CPS1: variants seen among roughly 807,000 people sequenced by gnomAD.
CPS1 encodes the protein carbamoyl-phosphate synthase [ammonia], mitochondrial.
In CPS1, 109 loss-of-function variants were observed where a neutral mutation model predicts 174.6. The observed-to-expected ratio is 0.62, with a 90% CI of 0.53 to 0.73. The LOEUF (loss-of-function observed/expected upper bound fraction) is 0.73. Among genes scored for constraint, CPS1 ranks in the 30% least tolerant of loss-of-function variants. The pLI is 0.00. For missense variants in CPS1, 1,689 were observed against 1,821.9 expected (o/e 0.93, Z 1.33); for synonymous variants, 637 against 632.0 (o/e 1.01, Z -0.12).
At chr2:210,512,506 A>G (rs768125518) in intron 1 of CPS1, among the ~76,000 whole-genome samples, 3 of 151,750 alleles carry the variant, frequency 2.0e-5, no homozygotes, top group African/African-American at 4.8e-5. Flanking sequence ...GCCTCCAGCT[A>G]CATCCACATT....
At chr2:210,627,015 C>A (rs1013128696) in intron 21 of CPS1, among the ~76,000 whole-genome samples, 2 of 152,174 alleles carry the variant, frequency 1.3e-5, no homozygotes, top group Non-Finnish European at 2.9e-5. Context: ...CTCCCACTTT[C>A]AGTTTTAGTC....
intron 1 of CPS1, among the ~76,000 whole-genome samples, chr2:210,481,568 C>T (rs1694570786): frequency 6.6e-6 from 1 of 152,200 alleles, no homozygotes; most frequent in Non-Finnish European, 1.5e-5. Context: ...TAGTTGTACA[C>T]CCTGGCAGGG....
chr2:210,541,817 T>G (rs960324745), intron 1 of CPS1, among the ~76,000 whole-genome samples: 2 of 152,110 alleles, frequency 1.3e-5, no homozygotes, highest in African/African-American at 4.8e-5. Context: ...CAAAGATAAT[T>G]CATGTTTTTT....
chr2:210,599,322 CTCT>C (rs767685731), intron 13 of CPS1, 47 bp from the exon 14 acceptor site: 8 of 1,553,520 alleles, frequency 5.1e-6, no homozygotes, highest in South Asian at 3.3e-5. Context: ...TGTGGTCATT[CTCT>C]TCTTTAGACC....
chr2:210,581,475 C>T (rs181829567), intron 5 of CPS1, among the ~76,000 whole-genome samples: 41 of 152,116 alleles, frequency 2.7e-4, no homozygotes, highest in African/African-American at 9.4e-4. Flanking sequence ...TTCTATTAAC[C>T]TTAATTTGAA....
intron 8 of CPS1, 96 bp from the exon 9 acceptor site, chr2:210,590,704 C>A: frequency 1.1e-6 from 1 of 907,698 alleles, no homozygotes. Context: ...TTCTCTTTAC[C>A]TTCTTAAGAA....
Position 210,677,068 on chromosome 2 carries a change from G to T in CPS1, c.4336G>T (p.Val1446Phe). 6.2e-7 allele frequency: 1 copy of T among 1,613,546 alleles called. No homozygotes were observed. The highest frequency in any genetic ancestry group is 8.5e-7 in the Non-Finnish European group (1 of 1,179,524). The change falls in exon 37 of 38, where the codon GTC becomes TTC. Residue 1446 changes from valine to phenylalanine, a missense_variant. Physicochemically the swap from Val to Phe is conservative, Grantham distance 50. Coordinates refer to ENST00000233072, the MANE Select transcript of CPS1 (RefSeq NM_001875.5). ...INLPNNNTKF[V>F]HDNYVIRRTA... ...CCTTCCCAACAACAACACTAAATTT[G>T]TCCATGATAATTATGTGATTCGGAG...
Position 210,602,093 on chromosome 2 carries a change from C to G in CPS1, c.1708-109C>G, listed in dbSNP as rs529901291. 14 of 1,279,060 alleles carry G rather than the reference C, an allele frequency of 1.1e-5. No homozygotes were observed. The East Asian group carries it at 3.2e-4, about 30-fold the overall frequency. 79.2% of individuals were successfully genotyped at this position (1,279,060 alleles called of 1,614,324 possible). ...GGGAATAATAGAACATTTCTAGATT[C>G]ACTCTCCCCACATAAGTTGGTTTAC... On this transcript the variant is annotated intron_variant, in intron 15 of 37. Transcript: ENST00000233072.
chr2:210,511,048 T>G (rs1695473753), intron 1 of CPS1, among the ~76,000 whole-genome samples: 10 of 151,970 alleles, frequency 6.6e-5, no homozygotes, highest in Admixed American at 6.6e-4. Flanking sequence ...TCCAAAGGAC[T>G]ATAAATCATG....
intron 1 of CPS1, among the ~76,000 whole-genome samples, chr2:210,560,201 C>CACCGAT: frequency 6.6e-6 from 1 of 152,002 alleles, no homozygotes; most frequent in African/African-American, 2.4e-5. Flanking sequence ...GCAGAATAGA[C>CACCGAT]ACCATAATAA....
At chr2:210,648,362 C>A in intron 26 of CPS1, 111 bp from the exon 27 acceptor site, 1 of 874,376 alleles carries the variant, frequency 1.1e-6, no homozygotes, top group Non-Finnish European at 1.8e-6. Flanking sequence ...TTTAATGGTG[C>A]CTTTAGAGAA....
intron 12 of CPS1, among the ~76,000 whole-genome samples, chr2:210,595,075 T>A (rs1698442487): frequency 6.6e-6 from 1 of 151,874 alleles, no homozygotes; most frequent in African/African-American, 2.4e-5. Context: ...TTAATTTGAA[T>A]ATGTATGTTA....
chr2:210,621,172 T>C (rs1699513174), intron 21 of CPS1, among the ~76,000 whole-genome samples: 1 of 152,080 alleles, frequency 6.6e-6, no homozygotes, highest in Admixed American at 6.6e-5. Context: ...TTCCCCAAAT[T>C]TATAGGCTGG....
At chr2:210,656,438 G>A in intron 29 of CPS1, 87 bp from the exon 30 acceptor site, 2 of 897,368 alleles carry the variant, frequency 2.2e-6, no homozygotes, top group Non-Finnish European at 3.7e-6. Context: ...CATCTGTTAG[G>A]ACCAAAGGGG....
At chr2:210,509,642 GCCCAAAAT>G (rs1553720419) in intron 1 of CPS1, among the ~76,000 whole-genome samples, 1 of 152,160 alleles carries the variant, frequency 6.6e-6, no homozygotes, top group Non-Finnish European at 1.5e-5. Flanking sequence ...CATCGTCTCA[GCCCAAAAT>G]CTCCTTAAGC....
At chr2:210,613,431 G>C (rs1035735943) in intron 20 of CPS1, among the ~76,000 whole-genome samples, 7 of 151,852 alleles carry the variant, frequency 4.6e-5, no homozygotes, top group African/African-American at 1.7e-4. Context: ...AAGGTAATTA[G>C]AATTTTTCTC....
At chr2:210,656,672 A>C in intron 30 of CPS1, 40 bp downstream of exon 30, 1 of 1,459,044 alleles carries the variant, frequency 6.9e-7, no homozygotes, top group African/African-American at 1.4e-5. Context: ...AAAAGGCAAC[A>C]CTCAGAAAAA....
At chr2:210,669,093 T>C (rs2105934340) in intron 34 of CPS1, among the ~76,000 whole-genome samples, 1 of 152,294 alleles carries the variant, frequency 6.6e-6, no homozygotes, top group Non-Finnish European at 1.5e-5. Context: ...TTGGTAAGCC[T>C]TCTAGGTCAA....
intron 1 of CPS1, among the ~76,000 whole-genome samples, chr2:210,572,689 C>T (rs1372910226): frequency 1.3e-5 from 2 of 151,988 alleles, no homozygotes; most frequent in African/African-American, 2.4e-5. Context: ...ATACAATATA[C>T]TTCTAGAATG....
Sources: gnomAD v4.1 joint callset for allele counts (sites outside exome capture counted in the v4.1 genomes callset) on GRCh38, gnomAD v4.1.1 for gene constraint, MANE v1.5 for transcripts, NCBI Gene and HGNC (gene_info 2026-07-23, HGNC 2026-07-21) for gene names.